Variants in DDX43 observed in about 807,000 individuals in gnomAD.
DDX43 encodes DEAD-box helicase 43.
Under a neutral mutation model 84.9 loss-of-function variants are expected in DDX43, and 50 were observed. That is an observed-to-expected ratio of 0.59 (90% CI 0.47 to 0.75). The LOEUF (loss-of-function observed/expected upper bound fraction) is 0.75. Ranked by LOEUF, DDX43 falls within the 30% of genes least tolerant of loss-of-function variation. The probability of loss-of-function intolerance (pLI) is 0.00; values close to 1 mark genes in which losing one functional copy is unlikely to be tolerated. For missense variants in DDX43, 689 were observed against 798.6 expected, an observed-to-expected ratio of 0.86 and a Z score of 1.65; for synonymous variants, 291 against 266.3, an observed-to-expected ratio of 1.09 and a Z score of -0.90.
intron 5 of DDX43, 96 bp downstream of exon 5, chr6:73,404,867 C>T (rs967574393): frequency 1.2e-5 from 11 of 916,476 alleles, no homozygotes; most frequent in East Asian, 5.1e-5. Context: ...TTGAAGGCTA[C>T]GCCTTCAATA....
chr6:73,401,014 G>GT (rs141464061), intron 3 of DDX43, among the ~76,000 whole-genome samples: 3,289 of 151,884 alleles, frequency 0.022, 277 homozygotes, highest in East Asian at 0.16. Context: ...TTCTCACTGT[G>GT]TTTTCCAGGC....
At chr6:73,413,582 G>GTGTA in intron 11 of DDX43, 76 bp from the exon 12 acceptor site, 1 of 1,363,968 alleles carries the variant, frequency 7.3e-7, no homozygotes, top group East Asian at 2.4e-5. Context: ...GAGAGAAGAT[G>GTGTA]CATTTTGAGC....
chr6:73,411,816 G>C (rs1769789804), intron 10 of DDX43, among the ~76,000 whole-genome samples: 1 of 152,112 alleles, frequency 6.6e-6, no homozygotes, highest in Non-Finnish European at 1.5e-5. Flanking sequence ...TCCTGCCTCA[G>C]CCTCCGGAGT....
At chr6:73,410,785 G>T (rs1769769183) in intron 10 of DDX43, among the ~76,000 whole-genome samples, 1 of 152,008 alleles carries the variant, frequency 6.6e-6, no homozygotes, top group Admixed American at 6.6e-5. Flanking sequence ...TAGAGACAGG[G>T]TTATCACCAT....
At chr6:73,407,682 T>C in intron 8 of DDX43, 67 bp downstream of exon 8, 2 of 1,135,408 alleles carry the variant, frequency 1.8e-6, no homozygotes, top group East Asian at 4.7e-5. Context: ...TTTACACATC[T>C]TCCCCATCAT....
intron 1 of DDX43, among the ~76,000 whole-genome samples, chr6:73,395,408 C>G (rs1769446945): frequency 6.6e-6 from 1 of 152,000 alleles, no homozygotes; most frequent in African/African-American, 2.4e-5. Flanking sequence ...AATTCGAGAC[C>G]AGCTTGGCCA....
intron 3 of DDX43, among the ~76,000 whole-genome samples, chr6:73,401,039 G>A (rs931427508): frequency 2.0e-5 from 3 of 152,162 alleles, no homozygotes; most frequent in African/African-American, 7.2e-5. Flanking sequence ...GTGCAGTGGT[G>A]TGATCATGGC....
At position 73,406,365 on chromosome 6, in the gene DDX43, C is replaced by G. The variant is rs375439899; in HGVS notation, c.809C>G (p.Ser270Ter). 34 of 1,598,910 alleles carry G rather than the reference C, an allele frequency of 2.1e-5. No individual in the cohort carries two copies. Among genetic ancestry groups the G allele is most frequent in the Non-Finnish European group, 2.8e-5 (33 of 1,168,166 alleles). The part of the protein sequence containing the change: ...AGFQKPTPIQ[S>*]QAWPIVLQGI... ...TTAATGTTTATCATTCCGTTTCAGT[C>G]ACAGGCATGGCCCATTGTGTTGCAA... Residue 270 changes from serine (S) to a stop codon, truncating the protein, a stop_gained and splice_region_variant, in exon 7 of 17, where the codon TCA (serine) becomes TGA (stop). Transcript: ENST00000370336. LOFTEE classifies it high-confidence loss of function.
intron 4 of DDX43, among the ~76,000 whole-genome samples, chr6:73,402,969 G>C (rs367981767): frequency 1.3e-5 from 2 of 152,136 alleles, no homozygotes; most frequent in Admixed American, 1.3e-4. Context: ...CTTGGCTCTC[G>C]GGAGGAGGCA....
At position 73,413,803 on chromosome 6, in the gene DDX43, T is replaced by C. The variant is rs1355509712; in HGVS notation, c.1496+18T>C. 6 of 1,607,896 alleles carry C rather than the reference T, an allele frequency of 3.7e-6. No individual in the cohort carries two copies. The highest frequency in any genetic ancestry group is 4.2e-6 in the Non-Finnish European group (5 of 1,177,786). On this transcript the variant is annotated intron_variant, in intron 12 of 16. Transcript: ENST00000370336. ...AAAGCTGTGTAGGTATTTTTTCTTGTGTGTCCATTATAATTAATTAAATTG... is the reference window on the plus strand; with the variant it reads ...AAAGCTGTGTAGGTATTTTTTCTTGCGTGTCCATTATAATTAATTAAATTG...
chr6:73,402,205 A>G (rs1052071182), intron 4 of DDX43, among the ~76,000 whole-genome samples: 1 of 152,194 alleles, frequency 6.6e-6, no homozygotes, highest in African/African-American at 2.4e-5. Flanking sequence ...ATAGTCTGTC[A>G]GCGGTAATTC....
intron 4 of DDX43, among the ~76,000 whole-genome samples, chr6:73,404,458 A>C (rs1353667267): frequency 6.6e-6 from 1 of 152,142 alleles, no homozygotes; most frequent in Non-Finnish European, 1.5e-5. Context: ...GGCTCAAGTG[A>C]TCCTCCCATG....
chr6:73,417,370 A>G lies in DDX43; in HGVS notation c.*209A>G, dbSNP rs1408409113. 2 of 152,194 alleles carry G rather than the reference A, an allele frequency of 1.3e-5. No individual in the cohort carries two copies. Among genetic ancestry groups the G allele is most frequent in the Non-Finnish European group, 2.9e-5 (2 of 68,024 alleles). The allele number at this position is 152,194 out of a possible 1,614,324, so 9.4% of individuals were successfully genotyped here. On this transcript the variant is annotated 3_prime_UTR_variant, in exon 17 of 17. Transcript: ENST00000370336. The stretch of plus-strand genomic sequence containing the variant: ...CTTGGAAGTTGTTTCCTGGATTTTT[A>G]TTAAGGAGTGTAGCATTAGAATGTT...
At chr6:73,399,144 A>C (rs1220103175) in intron 2 of DDX43, among the ~76,000 whole-genome samples, 1 of 151,962 alleles carries the variant, frequency 6.6e-6, no homozygotes, top group Non-Finnish European at 1.5e-5. Context: ...ACAGGGTTTC[A>C]CTATGTTGGC....
intron 2 of DDX43, 133 bp downstream of exon 2, chr6:73,397,877 A>C: frequency 1.5e-6 from 1 of 675,472 alleles, no homozygotes; most frequent in Non-Finnish European, 2.5e-6. Context: ...ATATCAGTAC[A>C]ACCTCTGCCT....
intron 4 of DDX43, 21 bp from the exon 5 acceptor site, chr6:73,404,669 G>A (rs1769638813): frequency 6.3e-7 from 1 of 1,576,394 alleles, no homozygotes; most frequent in African/African-American, 1.4e-5. Flanking sequence ...ATCAAAGTGT[G>A]GATTTTCGCC....
chr6:73,412,680 T>TGTGTGTGTGCGCGCGCGCGC (rs1562286196), intron 11 of DDX43, among the ~76,000 whole-genome samples: 2 of 108,516 alleles, frequency 1.8e-5, no homozygotes, highest in African/African-American at 6.8e-5. Context: ...CGCGCGCGCG[T>TGTGTGTGTGCGCGCGCGCGC]GTGTGTGTGT....
chr6:73,410,878 G>A lies in DDX43; in HGVS notation c.1281-1327G>A, dbSNP rs912746797. On this transcript the variant is annotated intron_variant, in intron 10 of 16. Coordinates refer to ENST00000370336, the MANE Select transcript of DDX43 (RefSeq NM_018665.3). ...CAAAGTGCTGGGATTACAGGCATGAGCCAACAACCTTTTAAAAGATTTTTA... is the reference window on the plus strand; with the variant it reads ...CAAAGTGCTGGGATTACAGGCATGAACCAACAACCTTTTAAAAGATTTTTA... Among the ~76,000 whole-genome samples, 3 of 151,908 alleles carry A rather than the reference G, an allele frequency of 2.0e-5. No homozygotes were observed. In the South Asian group the frequency reaches 6.3e-4, roughly 32 times the overall value.
chr6:73,395,375 C>T (rs1458846136), intron 1 of DDX43, among the ~76,000 whole-genome samples: 1 of 152,078 alleles, frequency 6.6e-6, no homozygotes, highest in Admixed American at 6.6e-5. Flanking sequence ...GAGGCCGAGG[C>T]GGGCGGATCA....
Sources: allele counts gnomAD v4.1 joint callset (sites outside exome capture counted in the v4.1 genomes callset), GRCh38; gene constraint gnomAD v4.1.1; transcripts MANE v1.5; gene names NCBI Gene and HGNC (gene_info 2026-07-23, HGNC 2026-07-21).